MICU1: variants seen among roughly 807,000 people sequenced by gnomAD.
MICU1 encodes mitochondrial calcium uptake 1.
In MICU1, 45 loss-of-function variants were observed where a neutral mutation model predicts 56.8. The observed-to-expected ratio is 0.79, with a 90% CI of 0.62 to 1.02. The LOEUF (loss-of-function observed/expected upper bound fraction) is 1.02. MICU1 is among the 50% of genes least tolerant of loss of function. The pLI is 0.00. For missense variants in MICU1, 504 were observed against 587.1 expected (o/e 0.86, Z 1.46); for synonymous variants, 186 against 195.1 (o/e 0.95, Z 0.39).
At chr10:72,437,279 C>T (rs1864763816) in intron 8 of MICU1, among the ~76,000 whole-genome samples, 2 of 152,128 alleles carry the variant, frequency 1.3e-5, no homozygotes, top group Admixed American at 1.3e-4. Context: ...CCCAGAATTT[C>T]ATATCCAGCC....
intron 7 of MICU1, 67 bp downstream of exon 7, chr10:72,477,107 C>A (rs913071535): frequency 9.5e-6 from 12 of 1,261,080 alleles, no homozygotes; most frequent in Non-Finnish European, 1.2e-5. Flanking sequence ...GCTAAGGTAA[C>A]TCCAAGGCAC....
At chr10:72,606,155 C>T (rs1405930688) in intron 1 of MICU1, among the ~76,000 whole-genome samples, 2 of 150,630 alleles carry the variant, frequency 1.3e-5, no homozygotes, top group Non-Finnish European at 3.0e-5. Flanking sequence ...AGAAATTTCA[C>T]TAAAATGTTA....
intron 3 of MICU1, among the ~76,000 whole-genome samples, chr10:72,559,673 T>C (rs1334149607): frequency 6.6e-6 from 1 of 152,110 alleles, no homozygotes; most frequent in Non-Finnish European, 1.5e-5. Flanking sequence ...TAAACTTTTT[T>C]TTAAATAAAA....
intron 6 of MICU1, among the ~76,000 whole-genome samples, chr10:72,485,193 AAATC>A (rs1866426953): frequency 6.6e-6 from 1 of 151,810 alleles, no homozygotes; most frequent in South Asian, 2.1e-4. Context: ...TAATAAAATA[AAATC>A]AATAAAATCA....
chr10:72,414,696 A>G (rs1334195059), intron 9 of MICU1, among the ~76,000 whole-genome samples: 1 of 152,232 alleles, frequency 6.6e-6, no homozygotes, highest in African/African-American at 2.4e-5. Flanking sequence ...CTTATGGTAT[A>G]TAAATTATAC....
intron 8 of MICU1, among the ~76,000 whole-genome samples, chr10:72,473,974 A>AC (rs1866026762): frequency 6.6e-6 from 1 of 152,052 alleles, no homozygotes; most frequent in East Asian, 1.9e-4. Context: ...AGAAAAAGAG[A>AC]GGCCGGGTGC....
chr10:72,500,272 A>ATATATATATATT (rs1866987285), intron 6 of MICU1, among the ~76,000 whole-genome samples: 3 of 9,320 alleles, frequency 3.2e-4, no homozygotes, highest in African/African-American at 6.7e-4. Context: ...ATATATATAT[A>ATATATATATATT]TATATATATA....
intron 10 of MICU1, among the ~76,000 whole-genome samples, chr10:72,376,282 A>T (rs1170042995): frequency 6.6e-6 from 1 of 152,130 alleles, no homozygotes; most frequent in Non-Finnish European, 1.5e-5. Flanking sequence ...TCAAAAAAAA[A>T]AAGAAAAAAT....
intron 3 of MICU1, among the ~76,000 whole-genome samples, chr10:72,560,048 C>A (rs1389658897): frequency 6.6e-6 from 1 of 152,132 alleles, no homozygotes; most frequent in African/African-American, 2.4e-5. Context: ...CAAAACCAGT[C>A]CCTGGTGCCA....
intron 9 of MICU1, among the ~76,000 whole-genome samples, chr10:72,411,257 T>A (rs1460806790): frequency 6.6e-6 from 1 of 152,004 alleles, no homozygotes; most frequent in Non-Finnish European, 1.5e-5. Context: ...GGTGAACGGG[T>A]TCTGGAAATA....
intron 9 of MICU1, 45 bp from the exon 10 acceptor site, chr10:72,408,082 A>G (rs760854626): frequency 3.1e-6 from 4 of 1,278,224 alleles, no homozygotes; most frequent in Non-Finnish European, 3.4e-6. Flanking sequence ...CTGTAACAAA[A>G]AGCAGCACGA....
At chr10:72,549,047 G>A (rs1479121266) in intron 4 of MICU1, among the ~76,000 whole-genome samples, 1 of 151,988 alleles carries the variant, frequency 6.6e-6, no homozygotes, top group Non-Finnish European at 1.5e-5. Context: ...GAGGGGTGAT[G>A]GTTCTATATA....
rs1864377209 is a variant in MICU1 at position 72,427,330 on chromosome 10, G to T, written c.934-3959C>A. ...CGTCCCTTGTCGTTTTGGAAGGACA[G>T]ATGGTCTACACGTATCTGGATGAAA... is the stretch of plus-strand genomic sequence containing the variant. On this transcript the variant is annotated intron_variant, in intron 8 of 11. Coordinates refer to ENST00000361114, the MANE Select transcript of MICU1 (RefSeq NM_001195518.2). 2.0e-5 allele frequency among the ~76,000 whole-genome samples: 3 copies of T among 152,208 alleles called. No individual in the cohort carries two copies. The South Asian group carries it at 6.2e-4, about 31-fold the overall frequency.
At chr10:72,398,214 C>T (rs953127335) in intron 10 of MICU1, among the ~76,000 whole-genome samples, 2 of 152,114 alleles carry the variant, frequency 1.3e-5, no homozygotes, top group Non-Finnish European at 2.9e-5. Context: ...AAAATGAAGG[C>T]AGAAATAAAG....
intron 3 of MICU1, among the ~76,000 whole-genome samples, chr10:72,557,157 T>C (rs183788335): frequency 2.0e-5 from 3 of 152,282 alleles, no homozygotes; most frequent in East Asian, 1.9e-4. Context: ...TAAAATGCTA[T>C]TACAAATACA....
At chr10:72,616,619 CCT>C (rs1291328541) in intron 1 of MICU1, among the ~76,000 whole-genome samples, 1 of 150,210 alleles carries the variant, frequency 6.7e-6, no homozygotes, top group Non-Finnish European at 1.5e-5. Context: ...TACATAATGA[CCT>C]ATAAAGATGG....
intron 4 of MICU1, among the ~76,000 whole-genome samples, chr10:72,547,434 T>C (rs1043885595): frequency 5.2e-4 from 79 of 151,956 alleles, no homozygotes; most frequent in African/African-American, 1.5e-3. Flanking sequence ...AGGGCAGGAC[T>C]TTTTGTCCAT....
At chr10:72,580,638 G>A (rs1487180725) in intron 1 of MICU1, among the ~76,000 whole-genome samples, 1 of 152,062 alleles carries the variant, frequency 6.6e-6, no homozygotes, top group African/African-American at 2.4e-5. Context: ...CACCACACCT[G>A]GCTAACTTTC....
At chr10:72,412,510 T>C (rs1433985593) in intron 9 of MICU1, among the ~76,000 whole-genome samples, 1 of 152,198 alleles carries the variant, frequency 6.6e-6, no homozygotes, top group Non-Finnish European at 1.5e-5. Context: ...GAAAAATGAA[T>C]TTAACATTAG....
Sources: allele counts gnomAD v4.1 joint callset (sites outside exome capture counted in the v4.1 genomes callset), GRCh38; gene constraint gnomAD v4.1.1; transcripts MANE v1.5; gene names NCBI Gene and HGNC (gene_info 2026-07-23, HGNC 2026-07-21).